The following RBM41 variants were observed in gnomAD, a reference collection of about 807,000 sequenced individuals.
The protein encoded by RBM41 is RNA-binding protein 41.
Under a neutral mutation model 30.8 loss-of-function variants are expected in RBM41, and 14 were observed. The ratio of observed to expected loss-of-function variants is 0.45; its 90% CI spans 0.30 to 0.71. RBM41 has a LOEUF of 0.71. RBM41 is among the 30% of genes least tolerant of loss of function. RBM41 has a pLI of 0.08. For missense variants in RBM41, 276 were observed against 326.3 expected (o/e 0.85, Z 1.19); for synonymous variants, 120 against 110.1 (o/e 1.09, Z -0.56).
Position 107,065,785 on chromosome X carries a change from T to C in RBM41, c.*1742A>G, listed in dbSNP as rs1319313420. On this transcript the variant is annotated 3_prime_UTR_variant, in exon 8 of 8. Coordinates refer to ENST00000685964, the MANE Select transcript of RBM41 (RefSeq NM_001324242.2). ...TGTTATCGGCAAATATATTATATTTTATACGTTATAGGCCAAACGATGCAA... is the reference window on the plus strand; with the variant it reads ...TGTTATCGGCAAATATATTATATTTCATACGTTATAGGCCAAACGATGCAA... The C allele has an allele frequency of 1.7e-6, 2 of 1,144,786 alleles. No homozygotes were observed. The highest frequency in any genetic ancestry group is 6.7e-5 in the East Asian group (2 of 30,012). The allele number at this position is 1,144,786 out of a possible 1,213,427, so 94.3% of individuals were successfully genotyped here. A position where few individuals can be genotyped will look rare whatever the true frequency, so the allele number is the denominator to read the frequency against.
chrX:107,098,814 A>G (rs1923203970), intron 5 of RBM41, among the ~76,000 whole-genome samples: 1 of 111,024 alleles, frequency 9.0e-6, no homozygotes, highest in Admixed American at 9.6e-5. Context: ...CAGCCTGGCC[A>G]ACGTGGTAAA....
At chrX:107,069,529 A>G in intron 6 of RBM41, 127 bp from the exon 7 acceptor site, 2 of 773,673 alleles carry the variant, frequency 2.6e-6, no homozygotes, top group Non-Finnish European at 3.5e-6. Context: ...ATCTCTGCTC[A>G]CTGCAACCTT....
At chrX:107,057,121 G>A (rs1353804922), downstream of RBM41, among the ~76,000 whole-genome samples, 1 of 110,189 alleles carries the variant, frequency 9.1e-6, no homozygotes, top group African/African-American at 3.3e-5. Flanking sequence ...CTCCCACCTT[G>A]GCCTCTCAGA....
At chrX:107,093,140 G>A (rs1922693018) in intron 5 of RBM41, among the ~76,000 whole-genome samples, 1 of 111,243 alleles carries the variant, frequency 9.0e-6, no homozygotes, top group African/African-American at 3.3e-5. Flanking sequence ...CCTTTGTAGA[G>A]CTAAGTGAAT....
chrX:107,104,757 T>C (rs1393611142), intron 5 of RBM41, among the ~76,000 whole-genome samples: 5 of 111,616 alleles, frequency 4.5e-5, no homozygotes, highest in Middle Eastern at 9.2e-3. Context: ...CACTTGATCA[T>C]GGTAGATAAG....
chrX:107,096,037 C>T (rs1036374481), intron 5 of RBM41, among the ~76,000 whole-genome samples: 4 of 110,973 alleles, frequency 3.6e-5, no homozygotes, highest in African/African-American at 1.3e-4. Flanking sequence ...TAAATAAATT[C>T]AATAAAGAAA....
At chrX:107,069,866 TAA>T (rs72211602) in intron 6 of RBM41, 6,357 of 81,920 alleles carry the variant, frequency 0.078, 253 homozygotes, top group African/African-American at 0.15. Flanking sequence ...TATAGGCACT[TAA>T]AAAAAAAAAA....
chrX:107,054,799 G>A, the RBM41 span, among the ~76,000 whole-genome samples: 6 of 111,956 alleles, frequency 5.4e-5, no homozygotes, highest in South Asian at 7.6e-4. Flanking sequence ...CACAGGTAGC[G>A]AGGAAATTTA....
At chrX:107,116,823 A>G in intron 1 of RBM41, 57 bp from the exon 2 acceptor site, 2 of 1,067,931 alleles carry the variant, frequency 1.9e-6, no homozygotes, top group Non-Finnish European at 2.6e-6. Flanking sequence ...GTCTCAAAAT[A>G]TATTCCTTAT....
intron 6 of RBM41, among the ~76,000 whole-genome samples, chrX:107,088,027 T>C (rs994601185): frequency 8.9e-6 from 1 of 112,223 alleles, no homozygotes; most frequent in Non-Finnish European, 1.9e-5. Context: ...TGTGGTAGCA[T>C]ATACCCAACT....
At chrX:107,096,027 T>C (rs940764284) in intron 5 of RBM41, among the ~76,000 whole-genome samples, 4 of 111,251 alleles carry the variant, frequency 3.6e-5, no homozygotes, top group African/African-American at 1.3e-4. Flanking sequence ...TAAAAAATAA[T>C]AAATAAATTC....
intron 6 of RBM41, among the ~76,000 whole-genome samples, chrX:107,080,052 T>C (rs1000705927): frequency 6.3e-5 from 7 of 111,560 alleles, no homozygotes; most frequent in African/African-American, 2.3e-4. Flanking sequence ...CTGCTTCCGG[T>C]TTTTGGCAAT....
At chrX:107,072,899 GT>G (rs1158374415) in intron 6 of RBM41, among the ~76,000 whole-genome samples, 1 of 110,820 alleles carries the variant, frequency 9.0e-6, no homozygotes, top group African/African-American at 3.3e-5. Context: ...GGAAAAGACA[GT>G]CTCGTCAATA....
rs1935724485 is a variant in RBM41 at position 107,063,587 on chromosome X, T to C, written c.*3940A>G. 8.9e-6 allele frequency among the ~76,000 whole-genome samples: 1 copy of C among 112,367 alleles called. No individual in the cohort carries two copies. The highest frequency in any genetic ancestry group is 1.9e-5 in the Non-Finnish European group (1 of 53,254). ...TCTGAGTTGGTTTTGGTAGTTTGTGTCTTCCTAGGAATTTGTCCACTTCAT... is the reference window on the plus strand; with the variant it reads ...TCTGAGTTGGTTTTGGTAGTTTGTGCCTTCCTAGGAATTTGTCCACTTCAT... On this transcript the variant is annotated 3_prime_UTR_variant, in exon 8 of 8. Transcript: ENST00000685964.
At chrX:107,072,533 T>C (rs1198567458) in intron 6 of RBM41, among the ~76,000 whole-genome samples, 1 of 111,847 alleles carries the variant, frequency 8.9e-6, no homozygotes, top group Non-Finnish European at 1.9e-5. Context: ...TCCATGCTCA[T>C]GGACTGAAAG....
At chrX:107,093,251 G>A (rs1404325040) in intron 5 of RBM41, among the ~76,000 whole-genome samples, 1 of 111,217 alleles carries the variant, frequency 9.0e-6, no homozygotes, top group African/African-American at 3.3e-5. Context: ...ATGTTGGTCT[G>A]GATAGGTCCC....
At chrX:107,074,667 C>T (rs1020399469) in intron 6 of RBM41, among the ~76,000 whole-genome samples, 13 of 111,337 alleles carry the variant, frequency 1.2e-4, no homozygotes, top group South Asian at 3.7e-4. Context: ...CCATTTACAA[C>T]GGTATTGAAA....
chrX:107,106,255 A>G (rs1951147800), intron 5 of RBM41, among the ~76,000 whole-genome samples: 2 of 112,472 alleles, frequency 1.8e-5, no homozygotes, highest in African/African-American at 3.2e-5. Flanking sequence ...GCAGCCAAAA[A>G]ACACATGAAA....
chrX:107,117,093 C>T (rs1050159787), intron 1 of RBM41, among the ~76,000 whole-genome samples: 1 of 111,582 alleles, frequency 9.0e-6, no homozygotes, highest in African/African-American at 3.3e-5. Flanking sequence ...AGAATAATAA[C>T]ACATAGAAGC....
Sources: allele counts gnomAD v4.1 joint callset (sites outside exome capture counted in the v4.1 genomes callset), GRCh38; gene constraint gnomAD v4.1.1; transcripts MANE v1.5; gene names NCBI Gene and HGNC (gene_info 2026-07-23, HGNC 2026-07-21).